Variants in SETD2 observed in about 807,000 individuals in gnomAD.
SETD2 encodes the protein histone-lysine N-methyltransferase SETD2.
Under a neutral mutation model 242.1 loss-of-function variants are expected in SETD2, and 31 were observed. That is an observed-to-expected ratio of 0.13 (90% CI 0.10 to 0.17). The LOEUF (loss-of-function observed/expected upper bound fraction) is 0.17. Among genes scored for constraint, SETD2 ranks in the 10% least tolerant of loss-of-function variants. The pLI, the probability that SETD2 is intolerant of heterozygous loss-of-function variation, is 1.00. For synonymous variants in SETD2, 1,006 were observed against 1,066.5 expected, an observed-to-expected ratio of 0.94 and a Z score of 1.11; for missense variants, 2,481 against 3,046.3, an observed-to-expected ratio of 0.81 and a Z score of 4.37.
At chr3:47,030,892 G>A (rs1449442832) in intron 18 of SETD2, among the ~76,000 whole-genome samples, 4 of 152,082 alleles carry the variant, frequency 2.6e-5, no homozygotes, top group East Asian at 3.8e-4. Context: ...AAACTGCGGC[G>A]CACTCAGACA....
Position 47,075,325 on chromosome 3 carries a change from C to T in SETD2, c.6061-8207G>A, listed in dbSNP as rs543852177. 6.2e-4 allele frequency among the ~76,000 whole-genome samples: 94 copies of T among 151,906 alleles called. 1 individual carries two copies. Among genetic ancestry groups the T allele is most frequent in the African/African-American group, 2.2e-3 (90 of 41,458 alleles). The stretch of plus-strand genomic sequence containing the variant: ...CCGTAATCCTAGCACTTTGGGAAGC[C>T]GAGGTGGGCAGATCACCTGAGGTCG... On this transcript the variant is annotated intron_variant, in intron 12 of 20. Transcript: ENST00000409792.
intron 1 of SETD2, among the ~76,000 whole-genome samples, chr3:47,159,877 A>C (rs1034034900): frequency 3.9e-5 from 6 of 152,036 alleles, no homozygotes; most frequent in Non-Finnish European, 5.9e-5. Context: ...CAGGAGGCTG[A>C]AGCAGGAGAA....
intron 6 of SETD2, among the ~76,000 whole-genome samples, chr3:47,103,775 T>G (rs554327769): frequency 6.6e-6 from 1 of 152,178 alleles, no homozygotes; most frequent in East Asian, 1.9e-4. Context: ...TATCCCCACT[T>G]TGCCCTTGCT....
At chr3:47,057,808 T>A (rs1435412939) in intron 14 of SETD2, among the ~76,000 whole-genome samples, 1 of 152,092 alleles carries the variant, frequency 6.6e-6, no homozygotes, top group Non-Finnish European at 1.5e-5. Flanking sequence ...AATTCTAAAA[T>A]TAAAATAAAA....
chr3:47,130,500 T>A (rs2043452247), intron 1 of SETD2, among the ~76,000 whole-genome samples: 1 of 152,126 alleles, frequency 6.6e-6, no homozygotes, highest in Non-Finnish European at 1.5e-5. Flanking sequence ...TTGAAGAAAT[T>A]AATACAATTG....
chr3:47,083,979 G>C lies in SETD2; in HGVS notation c.5801C>G (p.Pro1934Arg). 1.9e-6 allele frequency: 3 copies of C among 1,614,102 alleles called. No individual in the cohort carries two copies. Among genetic ancestry groups the C allele is most frequent in the Non-Finnish European group, 2.5e-6 (3 of 1,180,020 alleles). ...GGTTTCACTATCAACTTTGCATTCA[G>C]GCAGCTGTTGTGGGAGTAGCTGTTG... ...QSQQLLPQQLPECKVDSETNI... is the reference protein window; with the variant it reads ...QSQQLLPQQLRECKVDSETNI... Residue 1934 changes from proline to arginine, a missense_variant, in exon 12 of 21, where the codon CCT becomes CGT. Transcript: ENST00000409792.
intron 12 of SETD2, among the ~76,000 whole-genome samples, chr3:47,078,517 G>GC (rs2041189745): frequency 8.4e-6 from 1 of 119,138 alleles, no homozygotes; most frequent in Admixed American, 9.1e-5. Flanking sequence ...TAGATTCTCA[G>GC]CCTTTTTTTT....
Position 47,072,939 on chromosome 3 carries a change from T to G in SETD2, c.6061-5821A>C, listed in dbSNP as rs1191265494. 2.2e-5 allele frequency among the ~76,000 whole-genome samples: 3 copies of G among 134,346 alleles called. No individual in the cohort carries two copies. The Admixed American group carries it at 2.5e-4, about 11-fold the overall frequency. 88.1% of individuals were successfully genotyped at this position (134,346 alleles called of 152,430 possible). Reference sequence around the variant, plus strand: ...TCCAGCCTGGGTGACAGAGCGAGACTCCATCTCAAAAAAAAAAAGAAAGAA... The same window carrying G: ...TCCAGCCTGGGTGACAGAGCGAGACGCCATCTCAAAAAAAAAAAGAAAGAA... On this transcript the variant is annotated intron_variant, in intron 12 of 20. Coordinates refer to ENST00000409792, the MANE Select transcript of SETD2 (RefSeq NM_014159.7).
At chr3:47,065,816 C>A (rs1239499957) in intron 13 of SETD2, among the ~76,000 whole-genome samples, 1 of 152,008 alleles carries the variant, frequency 6.6e-6, no homozygotes, top group Non-Finnish European at 1.5e-5. Context: ...AAAAATAAAT[C>A]AATAAATAAG....
chr3:47,116,389 C>A (rs1342836776), intron 4 of SETD2, among the ~76,000 whole-genome samples: 1 of 152,146 alleles, frequency 6.6e-6, no homozygotes, highest in Non-Finnish European at 1.5e-5. Context: ...TATAGGACTA[C>A]TTTACCAAGC....
intron 18 of SETD2, among the ~76,000 whole-genome samples, chr3:47,037,268 T>G (rs2039050947): frequency 1.4e-5 from 2 of 140,644 alleles, no homozygotes; most frequent in South Asian, 2.5e-4. Flanking sequence ...CTCCTAATGC[T>G]ATCCCTCCCC....
chr3:47,101,332 A>G (rs1050456450), intron 8 of SETD2, 126 bp downstream of exon 8: 3 of 600,500 alleles, frequency 5.0e-6, no homozygotes, highest in Admixed American at 2.8e-5. Flanking sequence ...CCAAAACAAT[A>G]TCTTATAGAT....
chr3:47,113,026 C>A (rs1173887201), intron 5 of SETD2, among the ~76,000 whole-genome samples: 2 of 152,166 alleles, frequency 1.3e-5, no homozygotes, highest in African/African-American at 4.8e-5. Flanking sequence ...AACATTTATT[C>A]ATTCAAGAAA....
chr3:47,042,849 G>A, intron 16 of SETD2, 149 bp from the exon 17 acceptor site: 1 of 728,318 alleles, frequency 1.4e-6, no homozygotes, highest in East Asian at 2.7e-5. Context: ...GGAAATAAGG[G>A]ACAGTATATA....
chr3:47,159,344 A>G (rs568431840), intron 1 of SETD2, among the ~76,000 whole-genome samples: 5 of 152,248 alleles, frequency 3.3e-5, no homozygotes, highest in Non-Finnish European at 7.4e-5. Context: ...CTAGTCCTCA[A>G]ATTTGCTCCT....
chr3:47,154,344 G>T (rs548535622), intron 1 of SETD2, among the ~76,000 whole-genome samples: 16 of 152,232 alleles, frequency 1.1e-4, no homozygotes, highest in Non-Finnish European at 2.2e-4. Context: ...AGGAGGCAAA[G>T]GTTGCAGTGA....
chr3:47,103,282 AAATT>A, intron 7 of SETD2, 60 bp downstream of exon 7: 1 of 1,104,862 alleles, frequency 9.1e-7, no homozygotes, highest in Non-Finnish European at 1.4e-6. Flanking sequence ...ATGGGATCTA[AAATT>A]AATGGTCAGA....
At chr3:47,060,099 C>T (rs2040269099) in intron 14 of SETD2, among the ~76,000 whole-genome samples, 1 of 152,032 alleles carries the variant, frequency 6.6e-6, no homozygotes, top group African/African-American at 2.4e-5. Context: ...ACAAAAAAAC[C>T]AACAAAAAAA....
rs750036919 is a variant in SETD2 at position 47,017,752 on chromosome 3, A to C, written c.7432-13T>G. 5.0e-6 allele frequency: 8 copies of C among 1,589,650 alleles called. No individual in the cohort carries two copies. Among genetic ancestry groups the C allele is most frequent in the Admixed American group, 1.7e-5 (1 of 59,960 alleles). On this transcript the variant is annotated splice_polypyrimidine_tract_variant and intron_variant, in intron 19 of 20. Coordinates refer to ENST00000409792, the MANE Select transcript of SETD2 (RefSeq NM_014159.7). The surrounding 1 kb of genome is among the most constrained non-coding windows in gnomAD (Gnocchi z 4.8). ...TGAACTGGGACATCTGCAGGCAGAG[A>C]AAAGAGAACACGTTGCTCAACAGTC...
Sources: gnomAD v4.1 joint callset for allele counts (sites outside exome capture counted in the v4.1 genomes callset) on GRCh38, gnomAD v4.1.1 for gene constraint, Gnocchi (gnomAD v3.1) non-coding constraint, MANE v1.5 for transcripts, NCBI Gene and HGNC (gene_info 2026-07-23, HGNC 2026-07-21) for gene names.